The following NELFA variants were observed in gnomAD, a reference collection of about 807,000 sequenced individuals.
NELFA encodes negative elongation factor A.
NELFA carries 35 observed loss-of-function variants against 51.8 expected under a neutral mutation model. That is an observed-to-expected ratio of 0.68 (90% CI 0.52 to 0.90). The LOEUF (loss-of-function observed/expected upper bound fraction) is 0.90. NELFA is among the 40% of genes least tolerant of loss of function. The pLI, the probability that NELFA is intolerant of heterozygous loss-of-function variation, is 0.00. For missense variants in NELFA, 658 were observed against 746.4 expected, an observed-to-expected ratio of 0.88 and a Z score of 1.38; for synonymous variants, 417 against 338.4, an observed-to-expected ratio of 1.23 and a Z score of -2.55.
intron 1 of NELFA, among the ~76,000 whole-genome samples, chr4:1,998,531 A>T (rs506996): frequency 1.3e-5 from 2 of 152,086 alleles, no homozygotes; most frequent in East Asian, 3.9e-4. Context: ...CCGAATCCAC[A>T]AAGCGGAACA....
At chr4:2,006,638 G>T (rs902974015) in intron 1 of NELFA, among the ~76,000 whole-genome samples, 13 of 151,818 alleles carry the variant, frequency 8.6e-5, no homozygotes, top group African/African-American at 3.1e-4. Flanking sequence ...AGGCGTGGTG[G>T]CAGCGCATCA....
chr4:1,983,947 C>G lies in NELFA; in HGVS notation c.1203G>C (p.Pro401=), dbSNP rs765684492. The G allele has an allele frequency of 1.2e-6, 2 of 1,611,208 alleles. No individual in the cohort carries two copies. The highest frequency in any genetic ancestry group is 2.2e-5 in the South Asian group (2 of 90,818). ...PTSPLTPTTP[P]AVAPTTQTPP... ...GTGTCTGAGTGGTAGGGGCGACAGC[C>G]GGAGGTGTGGTGGGTGTCAGAGGCG... The change falls in exon 9 of 11, where the codon CCG becomes CCC. Residue 401 remains proline, a synonymous_variant. Transcript: ENST00000382882.
At chr4:2,008,416 G>C (rs2109072032) in intron 1 of NELFA, among the ~76,000 whole-genome samples, 1 of 151,018 alleles carries the variant, frequency 6.6e-6, no homozygotes, top group Admixed American at 6.6e-5. Context: ...ACTTGGGTAG[G>C]GGTGAGGACG....
rs559033158 is a variant in NELFA, at chr4:1,983,343, G to A, written c.1563C>T (p.Tyr521=). Residue 521 remains tyrosine, a synonymous_variant, in exon 11 of 11, where the codon TAC becomes TAT. Coordinates refer to ENST00000382882, the MANE Select transcript of NELFA (RefSeq NM_005663.5). The part of the protein sequence containing the change: ...ATGQWTRFKK[Y]KPMTNVS ...TCTAGGACACATTGGTCATGGGCTTGTACTTCTTGAAGCGCGTCCACTGGC... is the reference window on the plus strand; with the variant it reads ...TCTAGGACACATTGGTCATGGGCTTATACTTCTTGAAGCGCGTCCACTGGC... 2.5e-6 allele frequency: 4 copies of A among 1,614,200 alleles called. No individual in the cohort carries two copies. Among genetic ancestry groups the A allele is most frequent in the Admixed American group, 1.7e-5 (1 of 60,032 alleles).
At chr4:2,005,325 G>A (rs1728681964) in intron 1 of NELFA, among the ~76,000 whole-genome samples, 1 of 151,770 alleles carries the variant, frequency 6.6e-6, no homozygotes, top group East Asian at 1.9e-4. Context: ...AAAAACAAAA[G>A]GTAATTGGAG....
At chr4:2,008,572 TGGAG>T (rs1391525029) in intron 1 of NELFA, among the ~76,000 whole-genome samples, 174 bp downstream of exon 1, 3 of 120,372 alleles carry the variant, frequency 2.5e-5, no homozygotes, top group Non-Finnish European at 5.1e-5. Context: ...AGGTGAGGAC[TGGAG>T]GGAGGTATTC....
At chr4:1,992,491 T>C in intron 1 of NELFA, 1 of 431,070 alleles carries the variant, frequency 2.3e-6, no homozygotes, top group South Asian at 1.6e-5. Flanking sequence ...GGCCATGGCG[T>C]GCCTGTGCCT....
chr4:2,003,762 G>C (rs1728636109), intron 1 of NELFA: 2 of 152,006 alleles, frequency 1.3e-5, no homozygotes, highest in East Asian at 3.9e-4. Flanking sequence ...GAACTTAAAG[G>C]ACGGGTCAAT....
At chr4:1,990,816 TAA>T (rs1295731660) in intron 2 of NELFA, among the ~76,000 whole-genome samples, 1 of 152,216 alleles carries the variant, frequency 6.6e-6, no homozygotes, top group Admixed American at 6.5e-5. Flanking sequence ...TTGTTTCTTT[TAA>T]GAGATACATT....
Position 1,984,035 on chromosome 4 carries a change from TGCTTGA to T in NELFA, c.1109_1114del (p.Phe370_Gln372delinsTer). 1 of 1,606,658 alleles carries T rather than the reference TGCTTGA, an allele frequency of 6.2e-7. No homozygotes were observed. The highest frequency in any genetic ancestry group is 8.5e-7 in the Non-Finnish European group (1 of 1,179,268). ...GCCGCTGTTGTACATGGGCGCCCGCTGCTTGAACTGCGCTGGCAACGTGGGGCTCGG... is the reference window on the plus strand; with the variant it reads ...GCCGCTGTTGTACATGGGCGCCCGCTACTGCGCTGGCAACGTGGGGCTCGG... On this transcript the variant is annotated stop_gained and inframe_deletion, in exon 9 of 11. Coordinates refer to ENST00000382882, the MANE Select transcript of NELFA (RefSeq NM_005663.5). LOFTEE classifies it high-confidence loss of function.
intron 4 of NELFA, among the ~76,000 whole-genome samples, chr4:1,986,792 C>T (rs946946478): frequency 3.3e-5 from 5 of 152,136 alleles, no homozygotes; most frequent in Admixed American, 3.3e-4. Context: ...GAGGACACTC[C>T]TGAGGCCTAC....
At chr4:1,988,669 A>G (rs560862694) in intron 3 of NELFA, among the ~76,000 whole-genome samples, 1 of 152,380 alleles carries the variant, frequency 6.6e-6, no homozygotes, top group South Asian at 2.1e-4. Flanking sequence ...ATTGATGTAC[A>G]TTATAAATAT....
chr4:1,984,091 G>A lies in NELFA; in HGVS notation c.1059C>T (p.Ser353=), dbSNP rs1298179207. The A allele has an allele frequency of 1.3e-6, 2 of 1,577,934 alleles. No individual in the cohort carries two copies. Among genetic ancestry groups the A allele is most frequent in the Middle Eastern group, 2.1e-4 (1 of 4,826 alleles). Residue 353 remains serine (S), a synonymous_variant, in exon 9 of 11, where the codon AGC becomes AGT. Transcript: ENST00000382882. ...TPPAPSSREA[S]RPPEEPSAPS... ...GGGCGCTGGGCTCCTCTGGTGGGCG[G>A]CTGGCTTCCCGGGAAGATGGGGCTG...
intron 1 of NELFA, among the ~76,000 whole-genome samples, chr4:2,008,539 G>A (rs1728774658): frequency 6.8e-6 from 1 of 147,770 alleles, no homozygotes; most frequent in Admixed American, 6.7e-5. Flanking sequence ...GAGGATCGAG[G>A]CGGGGGATGA....
Position 2,004,798 on chromosome 4 carries a change from T to C in NELFA, c.210+3952A>G, listed in dbSNP as rs1728666086. On this transcript the variant is annotated intron_variant, in intron 1 of 10. Transcript: ENST00000382882. ...CTACTGCACCCAGCTATACATTATATTTTAATAAAGCTTTTTTTTTTTTTT... is the reference window on the plus strand; with the variant it reads ...CTACTGCACCCAGCTATACATTATACTTTAATAAAGCTTTTTTTTTTTTTT... Among the ~76,000 whole-genome samples, 3 of 148,932 alleles carry C rather than the reference T, an allele frequency of 2.0e-5. No homozygotes were observed. The South Asian group carries it at 6.4e-4, about 32-fold the overall frequency.
chr4:1,986,239 C>T (rs746599876), intron 5 of NELFA, 33 bp downstream of exon 5: 73 of 1,566,634 alleles, frequency 4.7e-5, no homozygotes, highest in South Asian at 5.9e-5. Flanking sequence ...CAACGGGCCC[C>T]GGGGTGCCAC....
chr4:2,007,127 A>G, intron 1 of NELFA: 1 of 435,908 alleles, frequency 2.3e-6, no homozygotes, highest in Non-Finnish European at 4.7e-6. Flanking sequence ...GGAAGATCTG[A>G]GGTGAGGAGG....
chr4:2,003,189 C>T (rs374123299), intron 1 of NELFA, among the ~76,000 whole-genome samples: 6 of 152,116 alleles, frequency 3.9e-5, no homozygotes, highest in East Asian at 1.9e-4. Context: ...TACCATCTCA[C>T]GCCAGTCAGA....
Position 1,986,367 on chromosome 4 carries a change from T to C in NELFA, c.670A>G (p.Arg224Gly), listed in dbSNP as rs1184901899. 1.2e-6 allele frequency: 2 copies of C among 1,610,270 alleles called. No homozygotes were observed. The highest frequency in any genetic ancestry group is 8.5e-7 in the Non-Finnish European group (1 of 1,178,622). ...LKGIPKQAPF[R>G]SPTAPSVFSP... is the part of the protein sequence containing the mutation. ...AAGACGCTGGGCGCCGTGGGGCTTC[T>C]GAAGGGCGCCTGCTTCGGGATGCCT... Residue 224 changes from arginine (R) to glycine (G), a missense_variant, in exon 5 of 11, where the codon AGA becomes GGA. Arg to Gly is a moderately radical substitution (Grantham distance 125). Transcript: ENST00000382882.
Sources: allele counts gnomAD v4.1 joint callset (sites outside exome capture counted in the v4.1 genomes callset), GRCh38; gene constraint gnomAD v4.1.1; transcripts MANE v1.5; gene names NCBI Gene and HGNC (gene_info 2026-07-23, HGNC 2026-07-21).